The following DNMBP variants were observed in gnomAD, a reference collection of about 807,000 sequenced individuals.
The protein encoded by DNMBP is dynamin binding protein, also known as dynamin-binding protein.
DNMBP carries 87 observed loss-of-function variants against 150.0 expected under a neutral mutation model. That is an observed-to-expected ratio of 0.58 (90% CI 0.49 to 0.69). DNMBP has a LOEUF of 0.69. DNMBP is among the 30% of genes least tolerant of loss of function. The probability of loss-of-function intolerance (pLI) is 0.00; values close to 1 mark genes in which losing one functional copy is unlikely to be tolerated. For missense variants in DNMBP, 1,774 were observed against 1,949.0 expected (o/e 0.91, Z 1.69); for synonymous variants, 711 against 750.4 (o/e 0.95, Z 0.86).
chr10:99,964,712 A>G (rs1478963021), intron 3 of DNMBP, among the ~76,000 whole-genome samples: 2 of 151,458 alleles, frequency 1.3e-5, no homozygotes, highest in Non-Finnish European at 2.9e-5. Context: ...CTCTACTAAA[A>G]ATACAAAAAT....
In DNMBP at chr10:99,885,762, A is replaced by G. The variant is rs2039447821; in HGVS notation, c.3723T>C (p.Ser1241=). ...QLQVFTFFPE[S]LPATKKPFER... ...CAAATGGCTTCTTGGTAGCTGGAAG[A>G]GACTCCGGGAAGAAGGTAAAAACCT... The change falls in exon 14 of 17, where the codon TCT becomes TCC. Residue 1241 remains serine (S), a synonymous_variant. Transcript: ENST00000324109. 6.2e-7 allele frequency: 1 copy of G among 1,606,784 alleles called. No homozygotes were observed. The highest frequency in any genetic ancestry group is 1.3e-5 in the African/African-American group (1 of 74,992).
chr10:99,978,545 T>C (rs2040751614), intron 1 of DNMBP, among the ~76,000 whole-genome samples: 1 of 152,222 alleles, frequency 6.6e-6, no homozygotes, highest in Admixed American at 6.5e-5. Flanking sequence ...GACATATATA[T>C]CTTAACTAGA....
In DNMBP at chr10:99,877,095, AACCCTCGGC is replaced by A; in HGVS notation, c.*47_*55del. Reference sequence around the variant, plus strand: ...AGGCGCCCTCTCGGTGGGCCGCCAGAACCCTCGGCGGACTGAAAGCAAAGGCAGCAAGGC... The same window carrying A: ...AGGCGCCCTCTCGGTGGGCCGCCAGAGGACTGAAAGCAAAGGCAGCAAGGC... On this transcript the variant is annotated 3_prime_UTR_variant, in exon 17 of 17. Transcript: ENST00000324109. The A allele has an allele frequency of 1.4e-6, 2 of 1,419,528 alleles. No individual in the cohort carries two copies. Among genetic ancestry groups the A allele is most frequent in the Non-Finnish European group, 1.9e-6 (2 of 1,072,496 alleles). 87.9% of individuals were successfully genotyped at this position (1,419,528 alleles called of 1,614,324 possible).
At chr10:99,932,379 C>G (rs1361356495) in intron 4 of DNMBP, among the ~76,000 whole-genome samples, 2 of 152,124 alleles carry the variant, frequency 1.3e-5, no homozygotes, top group Admixed American at 1.3e-4. Flanking sequence ...TCACCTGCCC[C>G]CTCAAACAAA....
intron 3 of DNMBP, among the ~76,000 whole-genome samples, chr10:99,960,193 A>G (rs2040548204): frequency 6.6e-6 from 1 of 152,240 alleles, no homozygotes; most frequent in South Asian, 2.1e-4. Context: ...TTATGATTTA[A>G]TTTTGAAAAA....
intron 6 of DNMBP, 148 bp from the exon 7 acceptor site, chr10:99,900,214 C>A: frequency 1.3e-6 from 1 of 784,002 alleles, no homozygotes; most frequent in Non-Finnish European, 2.0e-6. Flanking sequence ...TAGTAAGAAA[C>A]TTCCATCTAA....
intron 4 of DNMBP, among the ~76,000 whole-genome samples, chr10:99,926,378 A>C (rs2040078633): frequency 6.6e-6 from 1 of 152,190 alleles, no homozygotes; most frequent in South Asian, 2.1e-4. Flanking sequence ...TCGACCTGCC[A>C]GGCTCAAGTG....
chr10:99,971,812 G>A (rs1016991581), intron 2 of DNMBP, among the ~76,000 whole-genome samples, 168 bp downstream of exon 2: 1 of 151,308 alleles, frequency 6.6e-6, no homozygotes, highest in Non-Finnish European at 1.5e-5. Flanking sequence ...ATAGGCATGA[G>A]CCACTGTGCC....
chr10:99,885,514 CA>C (rs531459862), intron 14 of DNMBP, among the ~76,000 whole-genome samples, 172 bp downstream of exon 14: 22 of 144,526 alleles, frequency 1.5e-4, no homozygotes, highest in Non-Finnish European at 2.0e-4. Context: ...GACTCTGTCT[CA>C]AAAAAAAAAA....
In DNMBP at chr10:99,986,107, C is replaced by T. The variant is rs78652710; in HGVS notation, c.-10-13973G>A. On this transcript the variant is annotated intron_variant, in intron 1 of 16. Coordinates refer to ENST00000324109, the MANE Select transcript of DNMBP (RefSeq NM_015221.4). ...CCCTCTCTAAGTCACAGAGGATATACATCTTTCTTATCCATTCAAGAAAGC... is the reference window on the plus strand; with the variant it reads ...CCCTCTCTAAGTCACAGAGGATATATATCTTTCTTATCCATTCAAGAAAGC... Among the ~76,000 whole-genome samples the T allele has an allele frequency of 2.6e-5, 4 of 152,290 alleles. No individual in the cohort carries two copies. In the East Asian group the frequency reaches 7.7e-4, roughly 29 times the overall value.
intron 1 of DNMBP, among the ~76,000 whole-genome samples, chr10:99,986,089 T>A (rs2040824480): frequency 6.6e-6 from 1 of 152,152 alleles, no homozygotes; most frequent in Admixed American, 6.5e-5. Flanking sequence ...TTTCCCTCTC[T>A]AAGTCACAGA....
rs2039697722 is a variant in DNMBP, at chr10:99,898,829, T to C, written c.2703-69A>G. On this transcript the variant is annotated intron_variant, in intron 7 of 16. Transcript: ENST00000324109. Reference sequence around the variant, plus strand: ...AGAGAGAATCTTGAGTTTCACATTTTTCTCAGAACATAAATCATGTGGGAC... The same window carrying C: ...AGAGAGAATCTTGAGTTTCACATTTCTCTCAGAACATAAATCATGTGGGAC... 19 of 1,381,702 alleles carry C rather than the reference T, an allele frequency of 1.4e-5. No individual in the cohort carries two copies. The South Asian group carries it at 1.9e-4, about 14-fold the overall frequency. 85.6% of individuals were successfully genotyped at this position (1,381,702 alleles called of 1,614,324 possible). A position where few individuals can be genotyped will look rare whatever the true frequency, so the allele number is the denominator to read the frequency against.
intron 1 of DNMBP, among the ~76,000 whole-genome samples, chr10:99,977,922 G>T (rs1236388569): frequency 6.6e-6 from 1 of 152,122 alleles, no homozygotes; most frequent in Non-Finnish European, 1.5e-5. Flanking sequence ...GTATGGCACT[G>T]GCAACAGTGC....
chr10:99,910,180 A>C (rs2039882404), intron 4 of DNMBP, among the ~76,000 whole-genome samples: 1 of 152,068 alleles, frequency 6.6e-6, no homozygotes, highest in African/African-American at 2.4e-5. Flanking sequence ...CAAACTACTT[A>C]AGGAAAGTCG....
rs115687406 is a variant in DNMBP, at chr10:100,002,493, G to A, written c.-11+7345C>T. Reference sequence around the variant, plus strand: ...CCTGAAGTAAAGACCGATCCACAGAGTAAGGAAACTATAATTTTACATATC... The same window carrying A: ...CCTGAAGTAAAGACCGATCCACAGAATAAGGAAACTATAATTTTACATATC... On this transcript the variant is annotated intron_variant, in intron 1 of 16. Coordinates refer to ENST00000324109, the MANE Select transcript of DNMBP (RefSeq NM_015221.4). Among the ~76,000 whole-genome samples the A allele has an allele frequency of 2.5e-3, 385 of 152,242 alleles. 1 individual carries two copies. The highest frequency in any genetic ancestry group is 9.0e-3 in the African/African-American group (375 of 41,532).
At chr10:99,967,089 T>C (rs1322389328) in intron 3 of DNMBP, among the ~76,000 whole-genome samples, 1 of 151,848 alleles carries the variant, frequency 6.6e-6, no homozygotes, top group Middle Eastern at 3.2e-3. Context: ...TGAGCCACTA[T>C]ACCCAGCCTC....
rs1464405433 is a variant in DNMBP, at chr10:99,955,779, C to T, written c.1695G>A (p.Gly565=). The change falls in exon 4 of 17, where the codon GGG becomes GGA. Residue 565 remains glycine (G), a synonymous_variant. Coordinates refer to ENST00000324109, the MANE Select transcript of DNMBP (RefSeq NM_015221.4). ...QLIEFEKSLA[G]PGTEPDKILR... ...AAATTTTATCTGGCTCTGTGCCGGGCCCTGCCAAGCTCTTCTCAAACTCGA... is the reference window on the plus strand; with the variant it reads ...AAATTTTATCTGGCTCTGTGCCGGGTCCTGCCAAGCTCTTCTCAAACTCGA... 1 of 1,614,246 alleles carries T rather than the reference C, an allele frequency of 6.2e-7. No individual in the cohort carries two copies. Among genetic ancestry groups the T allele is most frequent in the Non-Finnish European group, 8.5e-7 (1 of 1,180,046 alleles).
chr10:99,930,106 A>G (rs189733134), intron 4 of DNMBP: 17 of 702,970 alleles, frequency 2.4e-5, no homozygotes, highest in Non-Finnish European at 4.2e-5. Context: ...TTCGAATCTG[A>G]AAAGCTCACA....
At position 99,876,962 on chromosome 10, in the gene DNMBP, AT is replaced by A; in HGVS notation, c.*188del. 2.0e-6 allele frequency: 1 copy of A among 500,134 alleles called. No homozygotes were observed. Among genetic ancestry groups the A allele is most frequent in the Non-Finnish European group, 3.5e-6 (1 of 287,946 alleles). 31.0% of individuals were successfully genotyped at this position (500,134 alleles called of 1,614,324 possible). On this transcript the variant is annotated 3_prime_UTR_variant, in exon 17 of 17. Coordinates refer to ENST00000324109, the MANE Select transcript of DNMBP (RefSeq NM_015221.4). ...CCAGGGTCCATTTCAAATTCTAGAG[AT>A]TCTAGTGAGCATCAAGGTTTACAAC...
Sources: allele counts gnomAD v4.1 joint callset (sites outside exome capture counted in the v4.1 genomes callset), GRCh38; gene constraint gnomAD v4.1.1; transcripts MANE v1.5; gene names NCBI Gene and HGNC (gene_info 2026-07-23, HGNC 2026-07-21).